The following RALGPS2 variants were observed in gnomAD, a reference collection of about 807,000 sequenced individuals.
RALGPS2 encodes Ral GEF with PH domain and SH3 binding motif 2, also known as ras-specific guanine nucleotide-releasing factor RalGPS2.
In RALGPS2, 43 loss-of-function variants were observed where a neutral mutation model predicts 86.8. That is an observed-to-expected ratio of 0.50 (90% CI 0.39 to 0.64). RALGPS2 has a LOEUF of 0.64. Ranked by LOEUF, RALGPS2 falls within the 30% of genes least tolerant of loss-of-function variation. The probability of loss-of-function intolerance (pLI) is 0.00; values close to 1 mark genes in which losing one functional copy is unlikely to be tolerated. For missense variants in RALGPS2, 536 were observed against 694.6 expected (o/e 0.77, Z 2.57); for synonymous variants, 243 against 231.3 (o/e 1.05, Z -0.46).
Position 178,805,694 on chromosome 1 carries a change from T to C in RALGPS2, c.214-2351T>C, listed in dbSNP as rs1434201758. 3.9e-5 allele frequency among the ~76,000 whole-genome samples: 6 copies of C among 152,336 alleles called. 1 individual carries two copies. In the South Asian group the frequency reaches 1.0e-3, roughly 26 times the overall value. Reference sequence around the variant, plus strand: ...TTTTAAGTATGATATGTTAACTCTTTACTATAGAAGATGATTTCACTGTCT... The same window carrying C: ...TTTTAAGTATGATATGTTAACTCTTCACTATAGAAGATGATTTCACTGTCT... On this transcript the variant is annotated intron_variant, in intron 4 of 19. Transcript: ENST00000367635.
At chr1:178,817,214 G>A (rs1388820478) in intron 6 of RALGPS2, among the ~76,000 whole-genome samples, 2 of 151,528 alleles carry the variant, frequency 1.3e-5, no homozygotes, top group African/African-American at 2.4e-5. Context: ...GTGTGTTGGC[G>A]CACTCCTGTA....
chr1:178,865,606 T>C, intron 8 of RALGPS2: 2 of 1,614,032 alleles, frequency 1.2e-6, no homozygotes. Flanking sequence ...TTATTCTTTG[T>C]TCAGGTACCA....
chr1:178,736,724 C>A (rs1032196578), intron 1 of RALGPS2, among the ~76,000 whole-genome samples: 2 of 151,884 alleles, frequency 1.3e-5, no homozygotes, highest in African/African-American at 2.4e-5. Context: ...TGTGGTGAAA[C>A]CCTGTCTCTA....
chr1:178,806,474 T>C (rs761887479), intron 4 of RALGPS2, among the ~76,000 whole-genome samples: 2 of 152,182 alleles, frequency 1.3e-5, no homozygotes, highest in Non-Finnish European at 2.9e-5. Context: ...ATTACTGTTA[T>C]TCAGATGTTG....
chr1:178,870,942 A>G (rs1299760172), intron 8 of RALGPS2: 1 of 152,128 alleles, frequency 6.6e-6, no homozygotes, highest in African/African-American at 2.4e-5. Flanking sequence ...CACCTATGTA[A>G]TTTTAAGTAG....
At chr1:178,740,188 G>A (rs1033086250) in intron 1 of RALGPS2, among the ~76,000 whole-genome samples, 2 of 152,118 alleles carry the variant, frequency 1.3e-5, no homozygotes, top group Non-Finnish European at 2.9e-5. Context: ...AGAAATCCTG[G>A]CAAGACTTTT....
intron 4 of RALGPS2, among the ~76,000 whole-genome samples, chr1:178,792,598 C>T (rs540653670): frequency 7.2e-5 from 11 of 152,276 alleles, no homozygotes; most frequent in African/African-American, 2.4e-4. Context: ...ACAGCTCCCT[C>T]TCCACCCCTG....
chr1:178,731,801 A>T (rs1425447698), intron 1 of RALGPS2, among the ~76,000 whole-genome samples: 3 of 152,084 alleles, frequency 2.0e-5, no homozygotes, highest in Non-Finnish European at 4.4e-5. Context: ...AGGAGATATG[A>T]TCTAGTTTAG....
At chr1:178,752,490 T>C (rs891580721) in intron 1 of RALGPS2, among the ~76,000 whole-genome samples, 8 of 152,042 alleles carry the variant, frequency 5.3e-5, no homozygotes, top group Admixed American at 5.3e-4. Flanking sequence ...CAGCACTATC[T>C]TCCTGCAGCT....
Position 178,757,852 on chromosome 1 carries a change from G to C in RALGPS2, c.-83-18830G>C, listed in dbSNP as rs573540847. Among the ~76,000 whole-genome samples, 3 of 152,212 alleles carry C rather than the reference G, an allele frequency of 2.0e-5. No individual in the cohort carries two copies. The South Asian group carries it at 6.2e-4, about 32-fold the overall frequency. On this transcript the variant is annotated intron_variant, in intron 1 of 19. Coordinates refer to ENST00000367635, the MANE Select transcript of RALGPS2 (RefSeq NM_152663.5). Reference sequence around the variant, plus strand: ...CCCCCTCCTTGATTTTTTGGAGTAGGTTCAGGAAGACTGTTACCAGTTTTT... The same window carrying C: ...CCCCCTCCTTGATTTTTTGGAGTAGCTTCAGGAAGACTGTTACCAGTTTTT...
In RALGPS2 at chr1:178,773,402, CAAAGA is replaced by C. The variant is rs1268040114; in HGVS notation, c.-83-3275_-83-3271del. On this transcript the variant is annotated intron_variant, in intron 1 of 19. Transcript: ENST00000367635. ...TTGAAAGATCTTGTCATTTATAACA[CAAAGA>C]AAAGTAAATAAAATATTAAAGCATA... Among the ~76,000 whole-genome samples the C allele has an allele frequency of 3.9e-5, 6 of 152,088 alleles. No individual in the cohort carries two copies. In the East Asian group the frequency reaches 5.8e-4, roughly 15 times the overall value.
chr1:178,916,941 TC>T lies in RALGPS2; in HGVS notation c.*583del, dbSNP rs1660836755. 6.6e-6 allele frequency: 1 copy of T among 152,152 alleles called. No homozygotes were observed. Among genetic ancestry groups the T allele is most frequent in the Non-Finnish European group, 1.5e-5 (1 of 68,054 alleles). 9.4% of individuals were successfully genotyped at this position (152,152 alleles called of 1,614,324 possible). On this transcript the variant is annotated 3_prime_UTR_variant, in exon 20 of 20. Coordinates refer to ENST00000367635, the MANE Select transcript of RALGPS2 (RefSeq NM_152663.5). ...AGAGTGTAGGAATGAGAAATGTTAG[TC>T]ATGTGAGTTCTTGGGTTTGTTTGGG...
chr1:178,907,255 G>A (rs1448766477), intron 19 of RALGPS2, among the ~76,000 whole-genome samples: 1 of 152,218 alleles, frequency 6.6e-6, no homozygotes, highest in Non-Finnish European at 1.5e-5. Context: ...TAAGGGAAGA[G>A]CAAGTGCAGG....
At chr1:178,853,836 A>T (rs750790577) in intron 8 of RALGPS2, 17 of 1,428,758 alleles carry the variant, frequency 1.2e-5, no homozygotes, top group Non-Finnish European at 1.3e-5. Flanking sequence ...ATGAGAAGAG[A>T]CATGTTAAAA....
intron 6 of RALGPS2, among the ~76,000 whole-genome samples, chr1:178,819,450 A>G (rs1655393704): frequency 6.6e-6 from 1 of 152,176 alleles, no homozygotes; most frequent in Admixed American, 6.6e-5. Flanking sequence ...ACGCTCAGGC[A>G]ATGAGTCCTT....
At chr1:178,748,334 AAG>A (rs1491299215) in intron 1 of RALGPS2, among the ~76,000 whole-genome samples, 3 of 151,884 alleles carry the variant, frequency 2.0e-5, no homozygotes, top group African/African-American at 7.3e-5. Flanking sequence ...AAAAAAAAAA[AAG>A]AAGTTAACGT....
chr1:178,816,857 C>T (rs942440979), intron 6 of RALGPS2, among the ~76,000 whole-genome samples: 1 of 151,710 alleles, frequency 6.6e-6, no homozygotes, highest in African/African-American at 2.4e-5. Context: ...TACAGGCATG[C>T]ACCACCACGC....
chr1:178,769,321 T>A (rs754856644), intron 1 of RALGPS2, among the ~76,000 whole-genome samples: 7 of 151,650 alleles, frequency 4.6e-5, no homozygotes, highest in Non-Finnish European at 8.8e-5. Flanking sequence ...AGGCTGCTAG[T>A]CCATGCAAGC....
chr1:178,780,213 G>T (rs1653322676), intron 2 of RALGPS2, among the ~76,000 whole-genome samples: 1 of 152,124 alleles, frequency 6.6e-6, no homozygotes, highest in South Asian at 2.1e-4. Context: ...AAGGGGAGAG[G>T]ATCACACAGG....
Sources: gnomAD v4.1 joint callset for allele counts (sites outside exome capture counted in the v4.1 genomes callset) on GRCh38, gnomAD v4.1.1 for gene constraint, MANE v1.5 for transcripts, NCBI Gene and HGNC (gene_info 2026-07-23, HGNC 2026-07-21) for gene names.